The following CXXC5 variants were observed in gnomAD, a reference collection of about 807,000 sequenced individuals.
CXXC5 encodes CXXC finger protein 5.
CXXC5 carries 2 observed loss-of-function variants against 17.6 expected under a neutral mutation model. That is an observed-to-expected ratio of 0.11 (90% CI 0.05 to 0.36). The LOEUF (loss-of-function observed/expected upper bound fraction) is 0.36. Ranked by LOEUF, CXXC5 falls within the 10% of genes least tolerant of loss-of-function variation. CXXC5 has a pLI of 1.00. For synonymous variants in CXXC5, 171 were observed against 193.0 expected, an observed-to-expected ratio of 0.89 and a Z score of 0.94; for missense variants, 343 against 458.3, an observed-to-expected ratio of 0.75 and a Z score of 2.30.
rs745505391 is a variant in CXXC5 at position 139,680,757 on chromosome 5, G to A, written c.234G>A (p.Pro78=). ...ACAAGAGCCTGCGCCGCTCCCGCCC[G>A]CTCTCCCACTACTCTTCTTTTGGCA... is the stretch of plus-strand genomic sequence containing the variant. ...PLNKSLRRSR[P]LSHYSSFGSS... is the part of the protein sequence containing the mutation. The change falls in exon 2 of 3, where the codon CCG becomes CCA. Residue 78 remains proline (P), a synonymous_variant. Transcript: ENST00000302517. 1.2e-5 allele frequency: 20 copies of A among 1,613,508 alleles called. No homozygotes were observed. Among genetic ancestry groups the A allele is most frequent in the Middle Eastern group, 1.6e-4 (1 of 6,062 alleles).
In CXXC5 at chr5:139,658,354, T is replaced by G. The variant is rs999486954; in HGVS notation, c.-161+9509T>G. ...CATGGATTTTGCTGCTAGAAGGAAG[T>G]GTAAATGGTCATGTTTCAGTCTCCT... On this transcript the variant is annotated intron_variant, in intron 1 of 2. Transcript: ENST00000302517. This position sits in a 1 kb window ranked among gnomAD's most constrained non-coding sequence, Gnocchi z 4.1. Among the ~76,000 whole-genome samples the G allele has an allele frequency of 7.2e-5, 11 of 152,136 alleles. No homozygotes were observed. Among genetic ancestry groups the G allele is most frequent in the African/African-American group, 2.4e-4 (10 of 41,422 alleles).
At chr5:139,681,552 G>C in intron 2 of CXXC5, 105 bp downstream of exon 2, 3 of 1,378,078 alleles carry the variant, frequency 2.2e-6, no homozygotes, top group Non-Finnish European at 1.9e-6. Flanking sequence ...CAAGTGTCTG[G>C]GGGATGCCCC....
chr5:139,675,559 G>C (rs1457344553), intron 1 of CXXC5: 2 of 152,210 alleles, frequency 1.3e-5, no homozygotes, highest in Non-Finnish European at 2.9e-5. Context: ...TGGGGAGTGA[G>C]AGCAGCCTTA....
chr5:139,652,289 C>T (rs774338753), intron 1 of CXXC5, among the ~76,000 whole-genome samples: 1 of 152,022 alleles, frequency 6.6e-6, no homozygotes, highest in African/African-American at 2.4e-5. Flanking sequence ...CAAAAAGCCT[C>T]CCCCGTTACT....
At chr5:139,659,969 C>G (rs1447976351) in intron 1 of CXXC5, among the ~76,000 whole-genome samples, 1 of 152,142 alleles carries the variant, frequency 6.6e-6, no homozygotes, top group East Asian at 1.9e-4. Flanking sequence ...AGTATTTGCT[C>G]GAGCTGTCAG....
intron 1 of CXXC5, among the ~76,000 whole-genome samples, chr5:139,664,665 C>T (rs928107602): frequency 6.6e-6 from 1 of 152,212 alleles, no homozygotes; most frequent in Non-Finnish European, 1.5e-5. Flanking sequence ...TCATTCCCCG[C>T]AGACAGACAC....
At chr5:139,657,429 T>G (rs659936) in intron 1 of CXXC5, among the ~76,000 whole-genome samples, 12,778 of 152,192 alleles carry the variant, frequency 0.084, 685 homozygotes, top group African/African-American at 0.14. Context: ...GCTGGATGTG[T>G]TGGGAGATGG....
chr5:139,666,453 C>T (rs1042556663), intron 1 of CXXC5, among the ~76,000 whole-genome samples: 5 of 152,212 alleles, frequency 3.3e-5, no homozygotes, highest in African/African-American at 1.2e-4. Flanking sequence ...GGTCTTCTGA[C>T]CACAAGCCTC....
At chr5:139,650,481 C>A (rs1286614230) in intron 1 of CXXC5, among the ~76,000 whole-genome samples, 2 of 152,222 alleles carry the variant, frequency 1.3e-5, no homozygotes, top group Non-Finnish European at 2.9e-5. Flanking sequence ...CCCGCCGGAG[C>A]CGCCCCAGGG....
At chr5:139,653,233 G>A (rs948464014) in intron 1 of CXXC5, among the ~76,000 whole-genome samples, 1 of 152,220 alleles carries the variant, frequency 6.6e-6, no homozygotes, top group Non-Finnish European at 1.5e-5. Context: ...GGGTGACAGC[G>A]TGTATCCACG....
intron 1 of CXXC5, among the ~76,000 whole-genome samples, chr5:139,650,088 T>A (rs1482373012): frequency 6.6e-6 from 1 of 152,222 alleles, no homozygotes; most frequent in Non-Finnish European, 1.5e-5. Flanking sequence ...TTTGTTCTTT[T>A]TTCCCCCCCG....
chr5:139,674,393 G>T (rs562399047), intron 1 of CXXC5, among the ~76,000 whole-genome samples: 30 of 152,206 alleles, frequency 2.0e-4, no homozygotes, highest in Non-Finnish European at 3.4e-4. Context: ...ACCAAGGTGG[G>T]GGGGAGGAGA....
chr5:139,663,045 G>A lies in CXXC5; in HGVS notation c.-161+14200G>A, dbSNP rs144963183. Among the ~76,000 whole-genome samples, 4 of 152,244 alleles carry A rather than the reference G, an allele frequency of 2.6e-5. No individual in the cohort carries two copies. The East Asian group carries it at 7.7e-4, about 29-fold the overall frequency. ...AAGGGCTCCTTAATTAGAATGTCTT[G>A]GATTTAGCCTTCTCTAGGGCTGTTC... On this transcript the variant is annotated intron_variant, in intron 1 of 2. Coordinates refer to ENST00000302517, the MANE Select transcript of CXXC5 (RefSeq NM_016463.9). The surrounding 1 kb of genome is among the most constrained non-coding windows in gnomAD (Gnocchi z 4.2).
At chr5:139,669,247 T>A (rs1315580417) in intron 1 of CXXC5, among the ~76,000 whole-genome samples, 2 of 152,154 alleles carry the variant, frequency 1.3e-5, no homozygotes. Context: ...CACACTCAGC[T>A]CTGCCCGCCT....
chr5:139,660,244 G>A (rs616529), intron 1 of CXXC5, among the ~76,000 whole-genome samples: 8 of 152,170 alleles, frequency 5.3e-5, no homozygotes, highest in Admixed American at 5.2e-4. Flanking sequence ...GGGCCTGCAG[G>A]CTCAAAGAGG....
chr5:139,652,706 G>A (rs906806716), intron 1 of CXXC5, among the ~76,000 whole-genome samples: 1 of 151,450 alleles, frequency 6.6e-6, no homozygotes, highest in African/African-American at 2.4e-5. Flanking sequence ...GTGTGGATCT[G>A]TAGTGTATGT....
chr5:139,678,942 G>C (rs995127690), intron 1 of CXXC5, among the ~76,000 whole-genome samples: 1 of 152,200 alleles, frequency 6.6e-6, no homozygotes, highest in East Asian at 1.9e-4. Flanking sequence ...GGAAACCGCC[G>C]CCTTGCTCCA....
chr5:139,650,274 G>A (rs889119553), intron 1 of CXXC5, among the ~76,000 whole-genome samples: 4 of 152,188 alleles, frequency 2.6e-5, no homozygotes, highest in African/African-American at 9.6e-5. Context: ...ACTTTGGGTG[G>A]TCTGAGAGTC....
At chr5:139,659,801 C>T (rs1431605028) in intron 1 of CXXC5, among the ~76,000 whole-genome samples, 2 of 152,154 alleles carry the variant, frequency 1.3e-5, no homozygotes, top group Non-Finnish European at 1.5e-5. Flanking sequence ...GGTGCTTCTG[C>T]ATTGAGGCTG....
Sources: gnomAD v4.1 joint callset for allele counts (sites outside exome capture counted in the v4.1 genomes callset) on GRCh38, gnomAD v4.1.1 for gene constraint, Gnocchi (gnomAD v3.1) non-coding constraint, MANE v1.5 for transcripts, NCBI Gene and HGNC (gene_info 2026-07-23, HGNC 2026-07-21) for gene names.